Variants in ATXN8OS observed in about 807,000 individuals in gnomAD.
ATXN8OS encodes ATXN8 opposite strand lncRNA.
intron 4 of ATXN8OS, among the ~76,000 whole-genome samples, chr13:70,159,113 C>A (rs576110056): frequency 6.6e-6 from 1 of 151,676 alleles, no homozygotes; most frequent in East Asian, 1.9e-4. Flanking sequence ...TATAGTTCAA[C>A]GTATTTTAGA....
At chr13:70,136,045 C>A (rs142924056) in intron 3 of ATXN8OS, among the ~76,000 whole-genome samples, 1,769 of 152,260 alleles carry the variant, frequency 0.012, 26 homozygotes, top group Non-Finnish European at 0.015. Context: ...AGGCCAAACA[C>A]AGAAGCAAAT....
chr13:70,118,610 T>C (rs1888315273), intron 2 of ATXN8OS, among the ~76,000 whole-genome samples: 1 of 152,124 alleles, frequency 6.6e-6, no homozygotes, highest in Non-Finnish European at 1.5e-5. Flanking sequence ...AAAAATTAAT[T>C]TGTTTCAAAG....
chr13:70,119,006 T>C (rs563814328), intron 2 of ATXN8OS, among the ~76,000 whole-genome samples: 1 of 152,068 alleles, frequency 6.6e-6, no homozygotes, highest in South Asian at 2.1e-4. Context: ...CCACTGAATA[T>C]TTCAATAAAT....
In ATXN8OS at chr13:70,115,498, T is replaced by A. The variant is rs373310178; in HGVS notation, n.398+200T>A. Among the ~76,000 whole-genome samples the A allele has an allele frequency of 1.8e-4, 28 of 152,162 alleles. 1 individual carries two copies. The East Asian group carries it at 3.3e-3, about 18-fold the overall frequency. ...ATGTATGTTTGTGTATTTGTGTAGA[T>A]ACATGGGTGGCTATATCTCTATAGA... On this transcript the variant is annotated intron_variant and non_coding_transcript_variant, in intron 2 of 4. Coordinates refer to ENST00000678624, the Ensembl canonical transcript of ATXN8OS.
chr13:70,152,408 A>C (rs1376862890), intron 4 of ATXN8OS, among the ~76,000 whole-genome samples: 1 of 151,876 alleles, frequency 6.6e-6, no homozygotes, highest in Non-Finnish European at 1.5e-5. Context: ...TATACATACA[A>C]GTATACATAT....
At chr13:70,151,624 C>T (rs1047892144) in intron 4 of ATXN8OS, among the ~76,000 whole-genome samples, 5 of 151,678 alleles carry the variant, frequency 3.3e-5, no homozygotes, top group African/African-American at 1.2e-4. Context: ...GAATGTAAAA[C>T]AAAAAAGAAA....
intron 2 of ATXN8OS, among the ~76,000 whole-genome samples, chr13:70,125,268 T>C (rs1038478979): frequency 1.3e-5 from 2 of 152,168 alleles, no homozygotes; most frequent in African/African-American, 4.8e-5. Context: ...TTATTTTCTT[T>C]TTATGGACAA....
At chr13:70,144,398 CTAGTTGAGTAATT>C in intron 3 of ATXN8OS, among the ~76,000 whole-genome samples, 1 of 152,038 alleles carries the variant, frequency 6.6e-6, no homozygotes, top group Admixed American at 6.6e-5. Flanking sequence ...TCCTAGTAAC[CTAGTTGAGTAATT>C]ATTTTTCTTA....
intron 3 of ATXN8OS, among the ~76,000 whole-genome samples, chr13:70,144,675 A>G (rs772558134): frequency 6.6e-6 from 1 of 152,054 alleles, no homozygotes; most frequent in African/African-American, 2.4e-5. Context: ...TGTCATTCTC[A>G]TAGCAGAAAT....
At position 70,120,232 on chromosome 13, in the gene ATXN8OS, A is replaced by G. The variant is rs149215858; in HGVS notation, n.398+4934A>G. 3.5e-3 allele frequency among the ~76,000 whole-genome samples: 533 copies of G among 152,250 alleles called. 3 individuals carry two copies. The highest frequency in any genetic ancestry group is 0.012 in the African/African-American group (483 of 41,550). ...AATAGGATATCCCAAAAGAAAATAAAAAGGAATTTTAAGAATGTTAAGATA... is the reference window on the plus strand; with the variant it reads ...AATAGGATATCCCAAAAGAAAATAAGAAGGAATTTTAAGAATGTTAAGATA... On this transcript the variant is annotated intron_variant and non_coding_transcript_variant, in intron 2 of 4. Transcript: ENST00000678624.
chr13:70,152,799 A>G (rs1331923342), intron 4 of ATXN8OS, among the ~76,000 whole-genome samples: 1 of 152,170 alleles, frequency 6.6e-6, no homozygotes, highest in East Asian at 1.9e-4. Flanking sequence ...TGGTTTATTT[A>G]TGTATTTTCA....
chr13:70,158,106 T>C (rs2137503099), intron 4 of ATXN8OS, among the ~76,000 whole-genome samples: 1 of 152,266 alleles, frequency 6.6e-6, no homozygotes, highest in Non-Finnish European at 1.5e-5. Context: ...TGAGATAGGC[T>C]TATTCCACAC....
rs1359124173 is a variant in ATXN8OS, at chr13:70,160,810, AATAT to A, written n.574-8937_574-8934del. On this transcript the variant is annotated intron_variant and non_coding_transcript_variant, in intron 4 of 4. Transcript: ENST00000678624. ...TTTATTTATAAATATATTTATTATA[AATAT>A]ATATAAATATATATTTATATATATA... Among the ~76,000 whole-genome samples the A allele has an allele frequency of 2.7e-4, 4 of 14,880 alleles. 2 individuals are homozygous for A. Among genetic ancestry groups the A allele is most frequent in the African/African-American group, 4.3e-4 (4 of 9,264 alleles). The allele number at this position is 14,880 out of a possible 152,430, so 9.8% of individuals were successfully genotyped here. A position where few individuals can be genotyped will look rare whatever the true frequency, so the allele number is the denominator to read the frequency against.
At chr13:70,131,206 T>G in intron 3 of ATXN8OS, 3 of 395,322 alleles carry the variant, frequency 7.6e-6, no homozygotes. Flanking sequence ...TCTGTCACAA[T>G]GTGTACATGT....
intron 4 of ATXN8OS, among the ~76,000 whole-genome samples, chr13:70,149,875 G>A (rs1450819517): frequency 6.6e-6 from 1 of 151,890 alleles, no homozygotes; most frequent in Non-Finnish European, 1.5e-5. Context: ...TTTTTTCCTT[G>A]TGGAGACTAT....
At chr13:70,129,050 G>A (rs557549366) in intron 2 of ATXN8OS, among the ~76,000 whole-genome samples, 9 of 152,180 alleles carry the variant, frequency 5.9e-5, no homozygotes, top group African/African-American at 2.2e-4. Context: ...AGTAGAGACA[G>A]GGTTTCACCA....
intron 3 of ATXN8OS, among the ~76,000 whole-genome samples, chr13:70,141,300 G>A (rs1270745809): frequency 6.6e-6 from 1 of 152,118 alleles, no homozygotes; most frequent in Non-Finnish European, 1.5e-5. Flanking sequence ...AGTGTCTGTA[G>A]TTTGAATAAC....
chr13:70,126,284 T>C (rs1310454543), intron 2 of ATXN8OS, among the ~76,000 whole-genome samples: 2 of 152,164 alleles, frequency 1.3e-5, no homozygotes, highest in African/African-American at 4.8e-5. Flanking sequence ...ACAAGTTTCA[T>C]AAATAGATAC....
chr13:70,139,439 AAATAT>A, intron 3 of ATXN8OS: 1 of 675,050 alleles, frequency 1.5e-6, no homozygotes, highest in South Asian at 1.9e-5. Context: ...CATTTTTTAA[AAATAT>A]ATTATCTTAT....
Sources: allele counts gnomAD v4.1 joint callset (sites outside exome capture counted in the v4.1 genomes callset), GRCh38; gene constraint gnomAD v4.1.1; transcripts MANE v1.5; gene names NCBI Gene and HGNC (gene_info 2026-07-23, HGNC 2026-07-21).